CSAD: variants seen among roughly 807,000 people sequenced by gnomAD.
CSAD encodes cysteine sulfinic acid decarboxylase, also known as P-selectin cytoplasmic tail-associated protein.
CSAD carries 47 observed loss-of-function variants against 61.5 expected under a neutral mutation model. The ratio of observed to expected loss-of-function variants is 0.76; its 90% confidence interval spans 0.60 to 0.97. The LOEUF is 0.97. Ranked by LOEUF, CSAD falls within the 50% of genes least tolerant of loss-of-function variation. The pLI is 0.00. For missense variants in CSAD, 611 were observed against 643.6 expected, an observed-to-expected ratio of 0.95 and a Z score of 0.55; for synonymous variants, 245 against 252.7, an observed-to-expected ratio of 0.97 and a Z score of 0.29.
chr12:53,160,698 G>T, intron 13 of CSAD, 65 bp downstream of exon 13: 1 of 1,342,570 alleles, frequency 7.4e-7, no homozygotes, highest in Non-Finnish European at 1.0e-6. Context: ...TTTATCTAAG[G>T]TGGGATAGAG....
At position 53,157,938 on chromosome 12, in the gene CSAD, A is replaced by T. The variant is rs1445308362; in HGVS notation, c.*573T>A. 1 of 152,190 alleles carries T rather than the reference A, an allele frequency of 6.6e-6. No homozygotes were observed. The highest frequency in any genetic ancestry group is 1.9e-4 in the East Asian group (1 of 5,202). 9.4% of individuals were successfully genotyped at this position (152,190 alleles called of 1,614,324 possible). Reference sequence around the variant, plus strand: ...TAAAGACTTGTATTCAGCTTTTTCAACATAAATTACATTAAAGTTATTTTT... The same window carrying T: ...TAAAGACTTGTATTCAGCTTTTTCATCATAAATTACATTAAAGTTATTTTT... On this transcript the variant is annotated 3_prime_UTR_variant, in exon 17 of 17. Transcript: ENST00000444623.
chr12:53,178,137 T>C (rs968876830), intron 2 of CSAD, among the ~76,000 whole-genome samples: 16 of 152,266 alleles, frequency 1.1e-4, no homozygotes, highest in African/African-American at 3.6e-4. Context: ...ACATGGGAGT[T>C]GTTACAAACT....
Position 53,180,364 on chromosome 12 carries a change from G to A in CSAD, c.-91+368C>T, listed in dbSNP as rs1026681093. 8 of 985,284 alleles carry A rather than the reference G, an allele frequency of 8.1e-6. No individual in the cohort carries two copies. In the African/African-American group the frequency reaches 1.2e-4, roughly 15 times the overall value. 61.0% of individuals were successfully genotyped at this position (985,284 alleles called of 1,614,324 possible). A position where few individuals can be genotyped will look rare whatever the true frequency, so the allele number is the denominator to read the frequency against. On this transcript the variant is annotated intron_variant, in intron 1 of 16. Coordinates refer to ENST00000444623, the MANE Select transcript of CSAD (RefSeq NM_001244705.2). ...GGGCAGGACGTCCGCGAGGAAGAAA[G>A]AGTGACGATGATTTTTCAAGGAGTC...
chr12:53,160,389 G>A, intron 13 of CSAD, 70 bp from the exon 14 acceptor site: 1 of 1,469,878 alleles, frequency 6.8e-7, no homozygotes, highest in South Asian at 1.1e-5. Context: ...GCTGCACTGT[G>A]GGGGTCTTAG....
chr12:53,178,481 G>A (rs1392810757), intron 2 of CSAD: 1 of 411,806 alleles, frequency 2.4e-6, no homozygotes, highest in African/African-American at 2.1e-5. Flanking sequence ...GACAGACCAA[G>A]ACCCTATCTT....
chr12:53,165,948 T>C (rs2121461993), intron 10 of CSAD, among the ~76,000 whole-genome samples: 1 of 152,306 alleles, frequency 6.6e-6, no homozygotes, highest in Middle Eastern at 3.4e-3. Context: ...AATGAAATAT[T>C]ATTCAGCCTT....
chr12:53,173,224 G>C lies in CSAD; in HGVS notation c.126+121C>G, dbSNP rs531741706. On this transcript the variant is annotated intron_variant, in intron 4 of 16. Transcript: ENST00000444623. Reference sequence around the variant, plus strand: ...CTCTGTCAAGAAAGAAAGGAAGAAAGGAAAAAAGGAAGGAAGAAAGAAGGA... The same window carrying C: ...CTCTGTCAAGAAAGAAAGGAAGAAACGAAAAAAGGAAGGAAGAAAGAAGGA... The C allele has an allele frequency of 1.5e-4, 142 of 925,952 alleles. No homozygotes were observed. The African/African-American group carries it at 2.3e-3, about 15-fold the overall frequency. The allele number at this position is 925,952 out of a possible 1,614,324, so 57.4% of individuals were successfully genotyped here.
intron 16 of CSAD, 25 bp downstream of exon 16, chr12:53,159,598 A>G: frequency 6.3e-7 from 1 of 1,593,362 alleles, no homozygotes; most frequent in Non-Finnish European, 8.6e-7. Flanking sequence ...CCTAACGGGT[A>G]AAGAGAGCAG....
In CSAD at chr12:53,161,360, G is replaced by A. The variant is rs1332687137; in HGVS notation, c.732C>T (p.Thr244=). ...AGGCCCCTAGCACAGTGGTGCCAGA[G>A]GTGGCACTGACCAGGAACGGCACAG... ...EGAVPFLVSA[T]SGTTVLGAFD... is the part of the protein sequence containing the mutation. Residue 244 remains threonine (T), a synonymous_variant, in exon 11 of 17, where the codon ACC becomes ACT. Transcript: ENST00000444623. 3.7e-6 allele frequency: 6 copies of A among 1,613,906 alleles called. No individual in the cohort carries two copies. The highest frequency in any genetic ancestry group is 4.2e-6 in the Non-Finnish European group (5 of 1,179,986).
In CSAD at chr12:53,159,727, A is replaced by C. The variant is rs1371504671; in HGVS notation, c.1219-15T>G. The C allele has an allele frequency of 1.9e-6, 3 of 1,600,240 alleles. No individual in the cohort carries two copies. The African/African-American group carries it at 4.0e-5, about 21-fold the overall frequency. On this transcript the variant is annotated splice_polypyrimidine_tract_variant and intron_variant, in intron 15 of 16. Transcript: ENST00000444623. ...ACAAACTCAGGCTGAGAGGAATGAGAAAGAGGAAGGTGTGAGCTGAGAAAG... is the reference window on the plus strand; with the variant it reads ...ACAAACTCAGGCTGAGAGGAATGAGCAAGAGGAAGGTGTGAGCTGAGAAAG...
At chr12:53,172,811 G>A (rs1940742504) in intron 4 of CSAD, among the ~76,000 whole-genome samples, 163 bp from the exon 5 acceptor site, 2 of 152,220 alleles carry the variant, frequency 1.3e-5, no homozygotes, top group Admixed American at 6.5e-5. Flanking sequence ...AACACAGTAA[G>A]ACCCAGAATG....
At chr12:53,170,549 G>A (rs971404801) in intron 8 of CSAD, 47 bp from the exon 9 acceptor site, 5 of 1,454,178 alleles carry the variant, frequency 3.4e-6, no homozygotes, top group Admixed American at 1.7e-5. Context: ...GATGGGGGAG[G>A]GGAGAGAAGG....
chr12:53,158,556 C>T lies in CSAD; in HGVS notation c.1437G>A (p.Met479Ile), dbSNP rs373516700. 26 of 1,613,262 alleles carry T rather than the reference C, an allele frequency of 1.6e-5. No homozygotes were observed. The Middle Eastern group carries it at 4.9e-4, about 31-fold the overall frequency. The change falls in exon 17 of 17, where the codon ATG (methionine) becomes ATA (isoleucine). Residue 479 changes from methionine (M) to isoleucine (I), a missense_variant. Met to Ile is a conservative substitution (Grantham distance 10). Coordinates refer to ENST00000444623, the MANE Select transcript of CSAD (RefSeq NM_001244705.2). Reference protein sequence around the residue: ...VANSALTCADMDFLLNELERL... With the variant: ...VANSALTCADIDFLLNELERL... Reference sequence around the variant, plus strand: ...GCTCCAGCTCGTTGAGGAGGAAGTCCATATCAGCACAGGTCAGTGCAGAGT... The same window carrying T: ...GCTCCAGCTCGTTGAGGAGGAAGTCTATATCAGCACAGGTCAGTGCAGAGT...
chr12:53,168,248 T>C (rs1940151953), intron 10 of CSAD, among the ~76,000 whole-genome samples: 1 of 152,192 alleles, frequency 6.6e-6, no homozygotes, highest in African/African-American at 2.4e-5. Flanking sequence ...CTAAAGGGTA[T>C]GGGGTTTCTT....
At chr12:53,167,704 T>C (rs1208559801) in intron 10 of CSAD, among the ~76,000 whole-genome samples, 1 of 152,174 alleles carries the variant, frequency 6.6e-6, no homozygotes, top group African/African-American at 2.4e-5. Context: ...CACTAAGTGG[T>C]ATAATCAAAA....
In CSAD at chr12:53,160,034, A is replaced by G. The variant is rs868431548; in HGVS notation, c.1166+86T>C. On this transcript the variant is annotated intron_variant, in intron 14 of 16. Coordinates refer to ENST00000444623, the MANE Select transcript of CSAD (RefSeq NM_001244705.2). Reference sequence around the variant, plus strand: ...GAATGAGCCACAGAGAGACCGAGAGAAAAGTAATCCCGGGAGCAGGAAAGA... The same window carrying G: ...GAATGAGCCACAGAGAGACCGAGAGGAAAGTAATCCCGGGAGCAGGAAAGA... The G allele has an allele frequency of 2.4e-5, 38 of 1,602,586 alleles. No homozygotes were observed. The Middle Eastern group carries it at 2.7e-3, about 112-fold the overall frequency.
At chr12:53,170,804 TC>T (rs1206763347) in intron 8 of CSAD, 1 of 412,234 alleles carries the variant, frequency 2.4e-6, no homozygotes, top group East Asian at 5.5e-5. Context: ...CACTGCAACT[TC>T]CGCCTCCCAG....
Position 53,180,872 on chromosome 12 carries a change from G to T in CSAD, c.-231C>A. 8.2e-7 allele frequency: 1 copy of T among 1,220,294 alleles called. No homozygotes were observed. The highest frequency in any genetic ancestry group is 1.0e-6 in the Non-Finnish European group (1 of 954,150). 75.6% of individuals were successfully genotyped at this position (1,220,294 alleles called of 1,614,324 possible). On this transcript the variant is annotated 5_prime_UTR_variant, in exon 1 of 17. Coordinates refer to ENST00000444623, the MANE Select transcript of CSAD (RefSeq NM_001244705.2). ...AGCCCCAAAGACCGCAGCGTCGTCC[G>T]TACAGACGGCAGCGCTTCAGTAGCT... is the stretch of plus-strand genomic sequence containing the variant.
chr12:53,170,206 G>T, intron 9 of CSAD, 80 bp from the exon 10 acceptor site: 1 of 1,307,110 alleles, frequency 7.7e-7, no homozygotes. Context: ...GCAATGCAGA[G>T]ACAACAGTGC....
Sources: allele counts gnomAD v4.1 joint callset (sites outside exome capture counted in the v4.1 genomes callset), GRCh38; gene constraint gnomAD v4.1.1; transcripts MANE v1.5; gene names NCBI Gene and HGNC (gene_info 2026-07-23, HGNC 2026-07-21).